The following DNAJC9 variants were observed in gnomAD, a reference collection of about 807,000 sequenced individuals.
DNAJC9 encodes the protein DnaJ heat shock protein family (Hsp40) member C9.
In DNAJC9, 18 loss-of-function variants were observed where a neutral mutation model predicts 32.4. The ratio of observed to expected loss-of-function variants is 0.56; its 90% CI spans 0.38 to 0.82. The LOEUF is 0.82. DNAJC9 is among the 40% of genes least tolerant of loss of function. The pLI, the probability that DNAJC9 is intolerant of heterozygous loss-of-function variation, is 0.00. For missense variants in DNAJC9, 310 were observed against 321.8 expected (o/e 0.96, Z 0.28); for synonymous variants, 113 against 122.1 (o/e 0.93, Z 0.49).
intron 2 of DNAJC9, chr10:73,233,113 A>G (rs759437374): frequency 3.2e-6 from 5 of 1,551,786 alleles, no homozygotes; most frequent in Non-Finnish European, 4.4e-6. Flanking sequence ...CGAGCCATTC[A>G]TGTGCTGAAA....
At position 73,243,295 on chromosome 10, in the gene DNAJC9, A is replaced by C; in HGVS notation, c.*105T>G. 1 of 1,308,546 alleles carries C rather than the reference A, an allele frequency of 7.6e-7. No homozygotes were observed. The allele number at this position is 1,308,546 out of a possible 1,614,324, so 81.1% of individuals were successfully genotyped here. A position where few individuals can be genotyped will look rare whatever the true frequency, so the allele number is the denominator to read the frequency against. ...TCTGAAAAATTCAGGCTGGAAAGAC[A>C]CCTTTTCTCAAGAGCTGAATTGACT... On this transcript the variant is annotated 3_prime_UTR_variant, in exon 5 of 5. Coordinates refer to ENST00000372950, the MANE Select transcript of DNAJC9 (RefSeq NM_015190.5).
downstream of DNAJC9, chr10:73,240,919 C>T (rs752393376): frequency 6.6e-6 from 9 of 1,355,650 alleles, no homozygotes; most frequent in Non-Finnish European, 9.2e-6. Context: ...AGACTGTCTA[C>T]TAATGTTACT....
At chr10:73,238,794 T>A (rs1006336282), downstream of DNAJC9, 6 of 152,374 alleles carry the variant, frequency 3.9e-5, no homozygotes, top group Non-Finnish European at 5.9e-5. Flanking sequence ...TATTTGATAT[T>A]TGCATTTTAA....
At chr10:73,244,718 G>A (rs527301618) in intron 3 of DNAJC9, among the ~76,000 whole-genome samples, 1 of 151,396 alleles carries the variant, frequency 6.6e-6, no homozygotes, top group Non-Finnish European at 1.5e-5. Context: ...CCTTTGCCAA[G>A]TGTTCCTAGA....
chr10:73,238,757 G>A (rs1462012928), downstream of DNAJC9: 2 of 152,160 alleles, frequency 1.3e-5, no homozygotes, highest in African/African-American at 4.8e-5. Flanking sequence ...TATTCCAGAA[G>A]CCCCAGCAGG....
Position 73,247,058 on chromosome 10 carries a change from C to G in DNAJC9, c.132G>C (p.Pro44=). Residue 44 remains proline (P), a synonymous_variant, in exon 1 of 5, where the codon CCG becomes CCC. Transcript: ENST00000372950. ...GYHKVSLQVH[P]DRVGEGDKED... is the part of the protein sequence containing the mutation. Reference sequence around the variant, plus strand: ...CCTTGTCGCCCTCACCCACCCGGTCCGGGTGTACCTGCAGGGACACCTTGT... The same window carrying G: ...CCTTGTCGCCCTCACCCACCCGGTCGGGGTGTACCTGCAGGGACACCTTGT... The G allele has an allele frequency of 6.3e-7, 1 of 1,578,770 alleles. No individual in the cohort carries two copies. Among genetic ancestry groups the G allele is most frequent in the Non-Finnish European group, 8.6e-7 (1 of 1,162,764 alleles).
In DNAJC9 at chr10:73,245,659, G is replaced by GC. The variant is rs564680012; in HGVS notation, c.576+262dup. On this transcript the variant is annotated intron_variant, in intron 3 of 4. Coordinates refer to ENST00000372950, the MANE Select transcript of DNAJC9 (RefSeq NM_015190.5). The stretch of plus-strand genomic sequence containing the variant: ...TGCCTCAGGAATGCTACAAGAATTG[G>GC]CCTACATGAAAAAATATTTCAGTGC... 1.1e-4 allele frequency among the ~76,000 whole-genome samples: 17 copies of GC among 152,068 alleles called. No individual in the cohort carries two copies. The South Asian group carries it at 3.3e-3, about 30-fold the overall frequency.
chr10:73,238,354 C>CA (rs1460080986), downstream of DNAJC9, among the ~76,000 whole-genome samples: 3 of 151,896 alleles, frequency 2.0e-5, no homozygotes, highest in Non-Finnish European at 2.9e-5. Context: ...TGTCCCCCCA[C>CA]AAAAAAAAGA....
chr10:73,246,788 T>C lies in DNAJC9; in HGVS notation c.221A>G (p.Gln74Arg), dbSNP rs761248850. The C allele has an allele frequency of 1.9e-6, 3 of 1,614,046 alleles. No homozygotes were observed. Among genetic ancestry groups the C allele is most frequent in the African/African-American group, 1.3e-5 (1 of 74,946 alleles). ...KVYSVLSDRE[Q>R]RAVYDEQGTV... Reference sequence around the variant, plus strand: ...TCCCTGCTCATCGTACACTGCTCTCTGTTCTCTGTCACTGAGAACGGAATA... The same window carrying C: ...TCCCTGCTCATCGTACACTGCTCTCCGTTCTCTGTCACTGAGAACGGAATA... Residue 74 changes from glutamine (Q) to arginine (R), a missense_variant, in exon 2 of 5, where the codon CAG (glutamine) becomes CGG (arginine). By Grantham distance (43) the Gln-to-Arg change is conservative. Transcript: ENST00000372950.
chr10:73,236,659 AC>A (rs1366235257), downstream of DNAJC9, among the ~76,000 whole-genome samples: 2 of 146,600 alleles, frequency 1.4e-5, no homozygotes, highest in East Asian at 4.0e-4. Context: ...TTATCTGCCC[AC>A]CTCAGCCTCC....
In DNAJC9 at chr10:73,246,918, C is replaced by T. The variant is rs2044020477; in HGVS notation, c.181-90G>A. On this transcript the variant is annotated intron_variant, in intron 1 of 4. Transcript: ENST00000372950. ...AAAGATCAGAAGGCGCCAAGCGGAGCTCAGCGCGCTCCCCCGGGGCGGGGC... is the reference window on the plus strand; with the variant it reads ...AAAGATCAGAAGGCGCCAAGCGGAGTTCAGCGCGCTCCCCCGGGGCGGGGC... 5.7e-6 allele frequency: 9 copies of T among 1,592,102 alleles called. No individual in the cohort carries two copies. In the East Asian group the frequency reaches 1.3e-4, roughly 24 times the overall value.
intron 2 of DNAJC9, among the ~76,000 whole-genome samples, chr10:73,232,311 G>A (rs149468124): frequency 1.6e-4 from 25 of 152,304 alleles, no homozygotes; most frequent in African/African-American, 5.3e-4. Context: ...ACGACTTACA[G>A]AAAAGGGTTG....
At chr10:73,232,838 C>T in intron 2 of DNAJC9, 1 of 697,934 alleles carries the variant, frequency 1.4e-6, no homozygotes, top group Non-Finnish European at 2.5e-6. Context: ...TTTATTTCCC[C>T]CTAAATGTAG....
chr10:73,242,903 A>G lies in DNAJC9; in HGVS notation c.*497T>C, dbSNP rs191533119. The stretch of plus-strand genomic sequence containing the variant: ...GCTTGAAGTAATTTAACACCTGTAC[A>G]TCAGTACAAAACCTGGCTGAGTAAA... On this transcript the variant is annotated 3_prime_UTR_variant, in exon 5 of 5. Coordinates refer to ENST00000372950, the MANE Select transcript of DNAJC9 (RefSeq NM_015190.5). The G allele has an allele frequency of 3.9e-5, 6 of 154,600 alleles. No homozygotes were observed. The highest frequency in any genetic ancestry group is 1.4e-4 in the African/African-American group (6 of 41,576). The allele number at this position is 154,600 out of a possible 1,614,324, so 9.6% of individuals were successfully genotyped here.
chr10:73,239,231 A>C (rs938688367), downstream of DNAJC9: 30 of 1,187,034 alleles, frequency 2.5e-5, no homozygotes, highest in African/African-American at 3.8e-4. Flanking sequence ...GTTGATTTCA[A>C]GGTGTTCCTG....
At chr10:73,246,496 T>C (rs1403721560) in intron 2 of DNAJC9, among the ~76,000 whole-genome samples, 192 bp downstream of exon 2, 3 of 152,174 alleles carry the variant, frequency 2.0e-5, no homozygotes, top group East Asian at 1.9e-4. Flanking sequence ...CCCTTTTCAG[T>C]GCAACAATCA....
chr10:73,236,715 TTTTTC>T (rs1305201882), downstream of DNAJC9, among the ~76,000 whole-genome samples: 10 of 149,906 alleles, frequency 6.7e-5, no homozygotes, highest in Middle Eastern at 3.4e-3. Flanking sequence ...CCCGGCCTTT[TTTTTC>T]TTTTCTTTTT....
chr10:73,240,991 C>T, downstream of DNAJC9: 1 of 1,498,352 alleles, frequency 6.7e-7, no homozygotes, highest in South Asian at 1.2e-5. Context: ...GGAGGCAGAC[C>T]AGTCTCTCGA....
chr10:73,241,067 G>GGATTGCTTGAGGCCAGGAGCTC, downstream of DNAJC9: 1 of 1,055,008 alleles, frequency 9.5e-7, no homozygotes, highest in Non-Finnish European at 1.4e-6. Flanking sequence ...GAGATTTCAT[G>GGATTGCTTGAGGCCAGGAGCTC]AAGCAGTATT....
Sources: allele counts gnomAD v4.1 joint callset (sites outside exome capture counted in the v4.1 genomes callset), GRCh38; gene constraint gnomAD v4.1.1; transcripts MANE v1.5; gene names NCBI Gene and HGNC (gene_info 2026-07-23, HGNC 2026-07-21).